Variants in DAOA observed in about 807,000 individuals in gnomAD.
DAOA encodes D-amino acid oxidase regulator.
In DAOA, 15 loss-of-function variants were observed where a neutral mutation model predicts 16.4. The observed-to-expected ratio is 0.91, with a 90% CI of 0.61 to 1.41. The LOEUF is 1.41. DAOA is among the 40% of genes most tolerant of loss of function. The pLI is 0.00. For missense variants in DAOA, 230 were observed against 176.8 expected, an observed-to-expected ratio of 1.30 and a Z score of -1.71; for synonymous variants, 75 against 59.1, an observed-to-expected ratio of 1.27 and a Z score of -1.23.
At position 105,466,275 on chromosome 13, in the gene DAOA, T is replaced by C. The variant is rs1048643810; in HGVS notation, c.-14T>C. The stretch of plus-strand genomic sequence containing the variant: ...TGCTTCACAATGCCGATGATTTAGC[T>C]GGGAGGACCCAAAATGCTGGAAAAG... On this transcript the variant is annotated 5_prime_UTR_variant, in exon 2 of 6. Coordinates refer to ENST00000375936, the MANE Select transcript of DAOA (RefSeq NM_172370.5). 6.2e-7 allele frequency: 1 copy of C among 1,614,018 alleles called. No homozygotes were observed. Among genetic ancestry groups the C allele is most frequent in the Non-Finnish European group, 8.5e-7 (1 of 1,179,936 alleles).
rs1421016804 is a variant in DAOA at position 105,490,155 on chromosome 13, G to A, written c.*74G>A. 13 of 1,474,678 alleles carry A rather than the reference G, an allele frequency of 8.8e-6. No homozygotes were observed. The highest frequency in any genetic ancestry group is 1.1e-5 in the Non-Finnish European group (12 of 1,107,810). 91.3% of individuals were successfully genotyped at this position (1,474,678 alleles called of 1,614,324 possible). A position where few individuals can be genotyped will look rare whatever the true frequency, so the allele number is the denominator to read the frequency against. Reference sequence around the variant, plus strand: ...CTGGCCAACATCTTCACTGGACTCTGACGGACTCTGTGTCTGGGACCCAGC... The same window carrying A: ...CTGGCCAACATCTTCACTGGACTCTAACGGACTCTGTGTCTGGGACCCAGC... On this transcript the variant is annotated 3_prime_UTR_variant, in exon 5 of 6. Coordinates refer to ENST00000375936, the MANE Select transcript of DAOA (RefSeq NM_172370.5).
chr13:105,468,103 C>A (rs1235994212), intron 3 of DAOA, among the ~76,000 whole-genome samples: 2 of 152,150 alleles, frequency 1.3e-5, no homozygotes, highest in African/African-American at 2.4e-5. Context: ...GACCACTCTT[C>A]TTCCAGCATC....
intron 4 of DAOA, among the ~76,000 whole-genome samples, chr13:105,487,958 G>C (rs1475141065): frequency 2.0e-5 from 3 of 152,128 alleles, no homozygotes; most frequent in Non-Finnish European, 4.4e-5. Flanking sequence ...AATCTGGCAG[G>C]AACATTAGCT....
chr13:105,488,508 T>C (rs1397406528), intron 4 of DAOA, among the ~76,000 whole-genome samples: 1 of 152,218 alleles, frequency 6.6e-6, no homozygotes, highest in Non-Finnish European at 1.5e-5. Flanking sequence ...ATCTTACGTA[T>C]ATATTTCAAA....
chr13:105,474,826 A>G (rs1877228301), intron 4 of DAOA, among the ~76,000 whole-genome samples: 1 of 152,180 alleles, frequency 6.6e-6, no homozygotes, highest in Non-Finnish European at 1.5e-5. Context: ...GAGTGTTTTC[A>G]CAAGTGTCCT....
Position 105,466,262 on chromosome 13 carries a change from C to T in DAOA, c.-27C>T. On this transcript the variant is annotated 5_prime_UTR_variant, in exon 2 of 6. Transcript: ENST00000375936. ...GAGGTCTCATCTCTGCTTCACAATG[C>T]CGATGATTTAGCTGGGAGGACCCAA... The T allele has an allele frequency of 1.3e-5, 21 of 1,613,752 alleles. No individual in the cohort carries two copies. The highest frequency in any genetic ancestry group is 1.8e-5 in the Non-Finnish European group (21 of 1,179,834).
intron 4 of DAOA, among the ~76,000 whole-genome samples, chr13:105,476,715 C>T (rs1877364936): frequency 2.0e-5 from 3 of 151,886 alleles, no homozygotes; most frequent in South Asian, 4.2e-4. Context: ...TCCAATTATT[C>T]CTAATTTCCT....
At chr13:105,477,963 A>G (rs1286681903) in intron 4 of DAOA, among the ~76,000 whole-genome samples, 1 of 152,214 alleles carries the variant, frequency 6.6e-6, no homozygotes, top group Non-Finnish European at 1.5e-5. Flanking sequence ...CTTTGCCTCA[A>G]ACCAAAATAG....
intron 4 of DAOA, among the ~76,000 whole-genome samples, chr13:105,486,047 G>A (rs1034001505): frequency 2.4e-4 from 37 of 152,110 alleles, no homozygotes; most frequent in Admixed American, 2.3e-3. Flanking sequence ...ACCTGGTATC[G>A]TGCTTAGTCC....
In DAOA at chr13:105,472,389, G is replaced by A. The variant is rs1029868907; in HGVS notation, c.134-149G>A. ...ATCAACAGATGACATTTGAGTCTCT[G>A]AGGGAATTTTGTCTTAACCAAAAAC... On this transcript the variant is annotated intron_variant, in intron 3 of 5. Coordinates refer to ENST00000375936, the MANE Select transcript of DAOA (RefSeq NM_172370.5). The A allele has an allele frequency of 6.7e-6, 7 of 1,048,490 alleles. No individual in the cohort carries two copies. The African/African-American group carries it at 1.1e-4, about 17-fold the overall frequency. 64.9% of individuals were successfully genotyped at this position (1,048,490 alleles called of 1,614,324 possible).
At chr13:105,474,089 T>A (rs1877177742) in intron 4 of DAOA, among the ~76,000 whole-genome samples, 1 of 152,118 alleles carries the variant, frequency 6.6e-6, no homozygotes, top group Non-Finnish European at 1.5e-5. Context: ...TGTTGAATAT[T>A]TCTATGACAT....
rs779518759 is a variant in DAOA, at chr13:105,475,038, T to A, written c.281+2353T>A. 6 of 985,788 alleles carry A rather than the reference T, an allele frequency of 6.1e-6. No homozygotes were observed. The South Asian group carries it at 2.3e-4, about 39-fold the overall frequency. 61.1% of individuals were successfully genotyped at this position (985,788 alleles called of 1,614,324 possible). A position where few individuals can be genotyped will look rare whatever the true frequency, so the allele number is the denominator to read the frequency against. On this transcript the variant is annotated intron_variant, in intron 4 of 5. Transcript: ENST00000375936. ...TCATTTTAAAAGAATTTCTCAGATA[T>A]TTGCTGGGCACTTTATGGAAGGAGA...
At chr13:105,474,193 G>A (rs1215228017) in intron 4 of DAOA, among the ~76,000 whole-genome samples, 1 of 151,930 alleles carries the variant, frequency 6.6e-6, no homozygotes, top group Non-Finnish European at 1.5e-5. Context: ...TTGATATGTT[G>A]AGAATAATGC....
chr13:105,481,597 C>G (rs768109539), intron 4 of DAOA, among the ~76,000 whole-genome samples: 6 of 152,126 alleles, frequency 3.9e-5, no homozygotes, highest in Non-Finnish European at 7.4e-5. Context: ...CTTAATATCC[C>G]ACCCTTAGGA....
At chr13:105,471,348 G>A (rs1020721193) in intron 3 of DAOA, among the ~76,000 whole-genome samples, 2 of 151,676 alleles carry the variant, frequency 1.3e-5, no homozygotes, top group East Asian at 1.9e-4. Context: ...GATATGAGTC[G>A]AATAAATGGT....
At chr13:105,483,243 C>T (rs1594116452) in intron 4 of DAOA, among the ~76,000 whole-genome samples, 1 of 152,180 alleles carries the variant, frequency 6.6e-6, no homozygotes, top group African/African-American at 2.4e-5. Context: ...CTTTATCCAT[C>T]CATTCCTCTG....
At chr13:105,484,379 G>A (rs1447050195) in intron 4 of DAOA, among the ~76,000 whole-genome samples, 1 of 151,902 alleles carries the variant, frequency 6.6e-6, no homozygotes, top group Non-Finnish European at 1.5e-5. Context: ...TAGCTTGCTG[G>A]GATTACAGGG....
intron 2 of DAOA, 25 bp from the exon 3 acceptor site, chr13:105,467,028 G>C: frequency 6.2e-7 from 1 of 1,605,350 alleles, no homozygotes; most frequent in Non-Finnish European, 8.5e-7. Flanking sequence ...ATCTGAACAC[G>C]ACTGATATTT....
intron 4 of DAOA, among the ~76,000 whole-genome samples, chr13:105,478,169 C>G (rs1594111724): frequency 6.6e-6 from 1 of 152,182 alleles, no homozygotes. Flanking sequence ...TCTAACAATA[C>G]AGCTGCACTT....
Sources: allele counts gnomAD v4.1 joint callset (sites outside exome capture counted in the v4.1 genomes callset), GRCh38; gene constraint gnomAD v4.1.1; transcripts MANE v1.5; gene names NCBI Gene and HGNC (gene_info 2026-07-23, HGNC 2026-07-21).